TBC1D5: variants seen among roughly 807,000 people sequenced by gnomAD.
The protein encoded by TBC1D5 is TBC1 domain family member 5.
Under a neutral mutation model 100.3 loss-of-function variants are expected in TBC1D5, and 75 were observed. The ratio of observed to expected loss-of-function variants is 0.75; its 90% CI spans 0.62 to 0.91. The LOEUF (loss-of-function observed/expected upper bound fraction) is 0.91, where lower values mean the gene tolerates loss of function less well. Among genes scored for constraint, TBC1D5 ranks in the 40% least tolerant of loss-of-function variants. The pLI, the probability that TBC1D5 is intolerant of heterozygous loss-of-function variation, is 0.00. For missense variants in TBC1D5, 910 were observed against 942.4 expected (o/e 0.97, Z 0.45); for synonymous variants, 323 against 325.6 (o/e 0.99, Z 0.09).
intron 3 of TBC1D5, among the ~76,000 whole-genome samples, chr3:17,448,823 A>C (rs977487632): frequency 1.3e-5 from 2 of 152,240 alleles, no homozygotes; most frequent in African/African-American, 4.8e-5. Context: ...AAAATTGTTA[A>C]TGAACATCAG....
chr3:17,646,962 C>T (rs1186897967), intron 1 of TBC1D5: 1 of 152,056 alleles, frequency 6.6e-6, no homozygotes, highest in Non-Finnish European at 1.5e-5. Context: ...CATACATACC[C>T]ACTGCTTAGC....
intron 1 of TBC1D5, chr3:17,706,134 A>G (rs2074126216): frequency 3.1e-6 from 5 of 1,602,512 alleles, no homozygotes. Flanking sequence ...GTCGGGCTTG[A>G]GGCAAAGGCT....
intron 18 of TBC1D5, among the ~76,000 whole-genome samples, chr3:17,209,155 C>G (rs1293593971): frequency 6.6e-6 from 1 of 152,160 alleles, no homozygotes; most frequent in African/African-American, 2.4e-5. Context: ...ATGTATCTAT[C>G]TAGTCTATCT....
Position 17,166,643 on chromosome 3 carries a change from C to T in TBC1D5, c.2094+124G>A, listed in dbSNP as rs528536170. ...CCTGCACAGCTGTACACAGCACCTC[C>T]GCAGTTGAACTTCATACATGGTAAT... is the stretch of plus-strand genomic sequence containing the variant. On this transcript the variant is annotated intron_variant, in intron 21 of 21. Coordinates refer to ENST00000253692, the Ensembl canonical transcript of TBC1D5. The T allele has an allele frequency of 2.9e-4, 386 of 1,343,746 alleles. 1 individual carries two copies. Among genetic ancestry groups the T allele is most frequent in the South Asian group, 2.2e-3 (147 of 66,998 alleles). The allele number at this position is 1,343,746 out of a possible 1,614,324, so 83.2% of individuals were successfully genotyped here.
At chr3:17,742,268 C>T (rs2077529493), upstream of TBC1D5, among the ~76,000 whole-genome samples, 1 of 152,178 alleles carries the variant, frequency 6.6e-6, no homozygotes, top group Non-Finnish European at 1.5e-5. Flanking sequence ...GTGCGGCAAC[C>T]CGTCCGCCGT....
At chr3:17,405,717 C>T (rs1249440043) in intron 5 of TBC1D5, among the ~76,000 whole-genome samples, 1 of 152,008 alleles carries the variant, frequency 6.6e-6, no homozygotes, top group Non-Finnish European at 1.5e-5. Flanking sequence ...GAACCTAAAA[C>T]TGTCTAATAC....
chr3:17,246,252 T>C (rs190243422), intron 16 of TBC1D5, among the ~76,000 whole-genome samples: 33 of 152,220 alleles, frequency 2.2e-4, no homozygotes, highest in Admixed American at 2.0e-3. Context: ...TTAAAAAAAC[T>C]ATAAAACACT....
intron 18 of TBC1D5, among the ~76,000 whole-genome samples, chr3:17,185,440 G>A (rs369425981): frequency 8.5e-5 from 13 of 152,264 alleles, no homozygotes; most frequent in African/African-American, 2.9e-4. Context: ...TCTAGCTTTA[G>A]GCCATGTGTA....
At chr3:17,274,004 T>C (rs2733488) in intron 15 of TBC1D5, among the ~76,000 whole-genome samples, 61,263 of 135,726 alleles carry the variant, frequency 0.45, 13,545 homozygotes, top group Middle Eastern at 0.52. Context: ...AGTTTAACTG[T>C]ATTTAATTAA....
At chr3:17,272,334 AC>A (rs2079517604) in intron 15 of TBC1D5, among the ~76,000 whole-genome samples, 1 of 152,238 alleles carries the variant, frequency 6.6e-6, no homozygotes, top group Non-Finnish European at 1.5e-5. Flanking sequence ...GTTCTATATA[AC>A]TGGAAACTTA....
chr3:17,304,874 A>C (rs775220409), intron 14 of TBC1D5, among the ~76,000 whole-genome samples: 54 of 115,732 alleles, frequency 4.7e-4, no homozygotes, highest in Non-Finnish European at 5.6e-4. Context: ...CTCTAGCTAC[A>C]TCGTTCTTCT....
intron 13 of TBC1D5, among the ~76,000 whole-genome samples, chr3:17,328,367 C>G (rs1041398299): frequency 6.6e-6 from 1 of 152,064 alleles, no homozygotes; most frequent in Non-Finnish European, 1.5e-5. Context: ...CAACCATCAC[C>G]AAGAATTCCT....
intron 15 of TBC1D5, among the ~76,000 whole-genome samples, chr3:17,269,082 A>T (rs948834466): frequency 3.3e-5 from 5 of 152,178 alleles, no homozygotes; most frequent in African/African-American, 1.2e-4. Context: ...TTAGCTACTT[A>T]CACATAAGTA....
intron 14 of TBC1D5, among the ~76,000 whole-genome samples, chr3:17,302,475 GA>G (rs1559588473): frequency 6.6e-6 from 1 of 151,650 alleles, no homozygotes; most frequent in Non-Finnish European, 1.5e-5. Context: ...ATCTTTTGTT[GA>G]GGGGGGGGAT....
At position 17,211,158 on chromosome 3, in the gene TBC1D5, A is replaced by C. The variant is rs1609466; in HGVS notation, c.1752+3049T>G. On this transcript the variant is annotated intron_variant, in intron 18 of 21. Coordinates refer to ENST00000253692, the Ensembl canonical transcript of TBC1D5. ...TTGTTCATATAAAATAGTATGAACTAAAAAGCTAAGAGGAAGTTCTGTGTT... is the reference window on the plus strand; with the variant it reads ...TTGTTCATATAAAATAGTATGAACTCAAAAGCTAAGAGGAAGTTCTGTGTT... Among the ~76,000 whole-genome samples the C allele has an allele frequency of 5.8e-3, 883 of 152,324 alleles. 8 individuals are homozygous for C. Among genetic ancestry groups the C allele is most frequent in the South Asian group, 0.019 (92 of 4,822 alleles).
chr3:17,245,159 T>C (rs980377643), intron 16 of TBC1D5, among the ~76,000 whole-genome samples: 1 of 152,026 alleles, frequency 6.6e-6, no homozygotes, highest in Non-Finnish European at 1.5e-5. Flanking sequence ...CACCAGTGCG[T>C]TCCTGTCTAG....
At chr3:17,379,136 C>T (rs1469872622) in intron 9 of TBC1D5, among the ~76,000 whole-genome samples, 3 of 147,860 alleles carry the variant, frequency 2.0e-5, no homozygotes. Context: ...TTTTTTTATT[C>T]CAGGCTATGT....
At chr3:17,407,463 T>C (rs935095782) in intron 4 of TBC1D5, among the ~76,000 whole-genome samples, 3 of 152,114 alleles carry the variant, frequency 2.0e-5, no homozygotes, top group African/African-American at 7.2e-5. Flanking sequence ...TTATCAAAGC[T>C]GAAACCCTGA....
At chr3:17,308,954 G>A (rs1292210644) in intron 13 of TBC1D5, among the ~76,000 whole-genome samples, 1 of 151,884 alleles carries the variant, frequency 6.6e-6, no homozygotes, top group Non-Finnish European at 1.5e-5. Flanking sequence ...TTGGTTTGAT[G>A]TTTTTATTCA....
Sources: gnomAD v4.1 joint callset for allele counts (sites outside exome capture counted in the v4.1 genomes callset) on GRCh38, gnomAD v4.1.1 for gene constraint, MANE v1.5 for transcripts, NCBI Gene and HGNC (gene_info 2026-07-23, HGNC 2026-07-21) for gene names.